The following CYTH1 variants were observed in gnomAD, a reference collection of about 807,000 sequenced individuals.
CYTH1 encodes cytohesin-1.
In CYTH1, 18 loss-of-function variants were observed where a neutral mutation model predicts 61.8. The observed-to-expected ratio is 0.29, with a 90% CI of 0.20 to 0.43. The LOEUF (loss-of-function observed/expected upper bound fraction) is 0.43, where lower values mean the gene tolerates loss of function less well. CYTH1 is among the 20% of genes least tolerant of loss of function. CYTH1 has a pLI of 1.00. For synonymous variants in CYTH1, 174 were observed against 184.3 expected (o/e 0.94, Z 0.45); for missense variants, 336 against 510.5 (o/e 0.66, Z 3.29).
intron 13 of CYTH1, among the ~76,000 whole-genome samples, chr17:78,679,433 T>C (rs1260647124): frequency 1.4e-5 from 2 of 146,640 alleles, no homozygotes; most frequent in Non-Finnish European, 1.5e-5. Context: ...AAAGCATCAC[T>C]GAGAGAAGGC....
intron 11 of CYTH1, among the ~76,000 whole-genome samples, chr17:78,690,239 C>CA (rs941597121): frequency 6.6e-6 from 1 of 150,780 alleles, no homozygotes; most frequent in Admixed American, 6.6e-5. Flanking sequence ...ACTAAAAATA[C>CA]AAAAAATTAG....
intron 1 of CYTH1, among the ~76,000 whole-genome samples, chr17:78,770,542 C>T (rs1598926834): frequency 6.6e-6 from 1 of 151,818 alleles, no homozygotes; most frequent in African/African-American, 2.4e-5. Context: ...GTTCAGCCTC[C>T]CAAGTAGCTG....
At position 78,729,245 on chromosome 17, in the gene CYTH1, C is replaced by T. The variant is rs565285214; in HGVS notation, c.23-19513G>A. Reference sequence around the variant, plus strand: ...ACCTCAGCCTCCAGAATAGCTGGGACTATAAGTATGTGCCACACCTGGCTA... The same window carrying T: ...ACCTCAGCCTCCAGAATAGCTGGGATTATAAGTATGTGCCACACCTGGCTA... On this transcript the variant is annotated intron_variant, in intron 1 of 13. Transcript: ENST00000446868. Among the ~76,000 whole-genome samples, 11 of 152,216 alleles carry T rather than the reference C, an allele frequency of 7.2e-5. No individual in the cohort carries two copies. In the South Asian group the frequency reaches 1.7e-3, roughly 23 times the overall value.
chr17:78,776,658 C>CA (rs1179473215), intron 1 of CYTH1, among the ~76,000 whole-genome samples: 1,375 of 88,146 alleles, frequency 0.016, 35 homozygotes, highest in African/African-American at 0.056. Flanking sequence ...GACTCTGTCT[C>CA]AAAAAAAAAA....
rs2092998761 is a variant in CYTH1 at position 78,700,636 on chromosome 17, G to A, written c.438-193C>T. 6.6e-6 allele frequency among the ~76,000 whole-genome samples: 1 copy of A among 151,726 alleles called. No homozygotes were observed. Among genetic ancestry groups the A allele is most frequent in the African/African-American group, 2.4e-5 (1 of 41,270 alleles). On this transcript the variant is annotated intron_variant, in intron 6 of 13. Coordinates refer to ENST00000446868, the MANE Select transcript of CYTH1 (RefSeq NM_004762.6). The surrounding 1 kb of genome is among the most constrained non-coding windows in gnomAD (Gnocchi z 5.1). ...GCCTGCCGGGTTCAGGCAATCTTCT[G>A]CCTCAGCCTCCCGAGTAGCCGGGAC... is the stretch of plus-strand genomic sequence containing the variant.
At chr17:78,707,901 G>A (rs2093085777) in intron 3 of CYTH1, among the ~76,000 whole-genome samples, 2 of 151,990 alleles carry the variant, frequency 1.3e-5, no homozygotes, top group Non-Finnish European at 2.9e-5. Flanking sequence ...GGATGGTCTC[G>A]ATCTCTTGAC....
chr17:78,770,345 GAAAAGAAAAGA>G (rs1483525106), intron 1 of CYTH1, among the ~76,000 whole-genome samples: 6 of 89,684 alleles, frequency 6.7e-5, no homozygotes, highest in Non-Finnish European at 1.2e-4. Context: ...AAAAAGAAAA[GAAAAGAAAAGA>G]AAAAAAAAAA....
chr17:78,698,736 T>G, intron 8 of CYTH1, 84 bp downstream of exon 8: 1 of 1,429,390 alleles, frequency 7.0e-7, no homozygotes, highest in Non-Finnish European at 9.3e-7. Context: ...AAATTGTATG[T>G]TTTTTCTTCC....
chr17:78,698,723 G>A (rs539147057), intron 8 of CYTH1, 97 bp downstream of exon 8: 1 of 1,364,742 alleles, frequency 7.3e-7, no homozygotes, highest in African/African-American at 1.5e-5. Flanking sequence ...GGAGACCCTT[G>A]ATAAATTGTA....
chr17:78,760,057 T>C (rs1056465658), intron 1 of CYTH1, among the ~76,000 whole-genome samples: 2 of 152,048 alleles, frequency 1.3e-5, no homozygotes, highest in African/African-American at 2.4e-5. Flanking sequence ...CCAGAATAAA[T>C]GGCTTTTTTG....
At chr17:78,760,082 G>C (rs528227142) in intron 1 of CYTH1, among the ~76,000 whole-genome samples, 5 of 151,776 alleles carry the variant, frequency 3.3e-5, no homozygotes, top group South Asian at 2.1e-4. Flanking sequence ...ATTCCTCCAG[G>C]GATTCTGCGG....
rs961093953 is a variant in CYTH1 at position 78,717,036 on chromosome 17, G to A, written c.23-7304C>T. 7 of 152,252 alleles carry A rather than the reference G, an allele frequency of 4.6e-5. No individual in the cohort carries two copies. Among genetic ancestry groups the A allele is most frequent in the African/African-American group, 1.7e-4 (7 of 41,446 alleles). 9.4% of individuals were successfully genotyped at this position (152,252 alleles called of 1,614,324 possible). A position where few individuals can be genotyped will look rare whatever the true frequency, so the allele number is the denominator to read the frequency against. On this transcript the variant is annotated intron_variant, in intron 1 of 13. Transcript: ENST00000446868. The surrounding 1 kb of genome is among the most constrained non-coding windows in gnomAD (Gnocchi z 4.4). ...CATTAGGGTTAAACTGCAAAAGAAC[G>A]GCTCAGATGGGCCAGATGGCAGCAC... is the stretch of plus-strand genomic sequence containing the variant.
rs191312753 is a variant in CYTH1 at position 78,700,529 on chromosome 17, T to C, written c.438-86A>G. ...TGTTAAACTGCCAATGATTTTTTTT[T>C]TCTTTTTTTTTTTGAGATGGAGTCT... On this transcript the variant is annotated intron_variant, in intron 6 of 13. Coordinates refer to ENST00000446868, the MANE Select transcript of CYTH1 (RefSeq NM_004762.6). The surrounding 1 kb of genome is among the most constrained non-coding windows in gnomAD (Gnocchi z 5.1). The C allele has an allele frequency of 2.3e-3, 2,669 of 1,165,090 alleles. 5 individuals are homozygous for C. Among genetic ancestry groups the C allele is most frequent in the Non-Finnish European group, 2.7e-3 (2,271 of 832,896 alleles). 72.2% of individuals were successfully genotyped at this position (1,165,090 alleles called of 1,614,324 possible).
intron 1 of CYTH1, among the ~76,000 whole-genome samples, chr17:78,777,941 C>G (rs142173847): frequency 6.6e-6 from 1 of 152,156 alleles, no homozygotes; most frequent in Non-Finnish European, 1.5e-5. Flanking sequence ...AGAGGAAGCA[C>G]TGTTGAAAAC....
At chr17:78,759,158 A>C (rs911742855) in intron 1 of CYTH1, among the ~76,000 whole-genome samples, 4 of 152,196 alleles carry the variant, frequency 2.6e-5, no homozygotes, top group Non-Finnish European at 5.9e-5. Flanking sequence ...CCAAAGTGCT[A>C]AAGTAAGAAG....
chr17:78,734,601 G>A (rs554221515), intron 1 of CYTH1, among the ~76,000 whole-genome samples: 18 of 151,602 alleles, frequency 1.2e-4, no homozygotes, highest in Non-Finnish European at 2.1e-4. Context: ...CACCACACCC[G>A]GCTAATTTTT....
chr17:78,698,155 A>G (rs2092963084), intron 9 of CYTH1, 114 bp downstream of exon 9: 1 of 867,268 alleles, frequency 1.2e-6, no homozygotes, highest in Non-Finnish European at 1.9e-6. Context: ...ACGCGCACAC[A>G]TGCACACGCA....
intron 1 of CYTH1, among the ~76,000 whole-genome samples, chr17:78,756,193 G>A (rs1028374645): frequency 6.6e-6 from 1 of 150,670 alleles, no homozygotes; most frequent in African/African-American, 2.4e-5. Flanking sequence ...CTTGTGCCAC[G>A]GCCACTCTAG....
intron 1 of CYTH1, among the ~76,000 whole-genome samples, chr17:78,721,716 G>A (rs1261613131): frequency 3.3e-5 from 5 of 152,140 alleles, no homozygotes; most frequent in African/African-American, 4.8e-5. Context: ...TATGTAATGA[G>A]GATGTCACCC....
Sources: allele counts gnomAD v4.1 joint callset (sites outside exome capture counted in the v4.1 genomes callset), GRCh38; gene constraint gnomAD v4.1.1; non-coding constraint Gnocchi (gnomAD v3.1); transcripts MANE v1.5; gene names NCBI Gene and HGNC (gene_info 2026-07-23, HGNC 2026-07-21).